UMPS: variants seen among roughly 807,000 people sequenced by gnomAD.
The protein encoded by UMPS is uridine 5'-monophosphate synthase.
UMPS carries 21 observed loss-of-function variants against 38.9 expected under a neutral mutation model. That is an observed-to-expected ratio of 0.54 (90% CI 0.38 to 0.78). The LOEUF (loss-of-function observed/expected upper bound fraction) is 0.78. UMPS is among the 30% of genes least tolerant of loss of function. The pLI is 0.00. For synonymous variants in UMPS, 208 were observed against 219.3 expected, an observed-to-expected ratio of 0.95 and a Z score of 0.45; for missense variants, 533 against 591.6, an observed-to-expected ratio of 0.90 and a Z score of 1.03.
At position 124,744,277 on chromosome 3, in the gene UMPS, T is replaced by C. The variant is rs2063579849; in HGVS notation, c.*193T>C. 1.4e-6 allele frequency: 1 copy of C among 720,160 alleles called. No homozygotes were observed. Among genetic ancestry groups the C allele is most frequent in the East Asian group, 3.0e-5 (1 of 33,876 alleles). 44.6% of individuals were successfully genotyped at this position (720,160 alleles called of 1,614,324 possible). On this transcript the variant is annotated 3_prime_UTR_variant, in exon 6 of 6. Transcript: ENST00000232607. Reference sequence around the variant, plus strand: ...ATTTGTAATCACCGCATTGATACTATAATAAGTTCATTCTTAAGCTTGCTT... The same window carrying C: ...ATTTGTAATCACCGCATTGATACTACAATAAGTTCATTCTTAAGCTTGCTT...
Position 124,744,216 on chromosome 3 carries a change from T to C in UMPS, c.*132T>C. The stretch of plus-strand genomic sequence containing the variant: ...CCACAGGGCCTGTGTAAGAATGGGT[T>C]CTGGAGTTCTCATGGTCTTTAGGAA... On this transcript the variant is annotated 3_prime_UTR_variant, in exon 6 of 6. Transcript: ENST00000232607. The C allele has an allele frequency of 9.7e-7, 1 of 1,031,336 alleles. No individual in the cohort carries two copies. Among genetic ancestry groups the C allele is most frequent in the East Asian group, 2.6e-5 (1 of 38,574 alleles). 63.9% of individuals were successfully genotyped at this position (1,031,336 alleles called of 1,614,324 possible). A position where few individuals can be genotyped will look rare whatever the true frequency, so the allele number is the denominator to read the frequency against.
chr3:124,741,135 A>G (rs1192949810), intron 4 of UMPS, among the ~76,000 whole-genome samples: 4 of 152,310 alleles, frequency 2.6e-5, no homozygotes, highest in South Asian at 4.1e-4. Context: ...TGAATTGACT[A>G]TAACTGTCTG....
chr3:124,747,461 G>A lies in UMPS; in HGVS notation c.*3377G>A, dbSNP rs761747729. 55 of 454,028 alleles carry A rather than the reference G, an allele frequency of 1.2e-4. 2 individuals carry two copies. Among genetic ancestry groups the A allele is most frequent in the South Asian group, 7.6e-4 (49 of 64,508 alleles). The allele number at this position is 454,028 out of a possible 1,614,324, so 28.1% of individuals were successfully genotyped here. A position where few individuals can be genotyped will look rare whatever the true frequency, so the allele number is the denominator to read the frequency against. On this transcript the variant is annotated 3_prime_UTR_variant, in exon 6 of 6. Transcript: ENST00000232607. ...GTTCCGAGCCTGAACCCAAACTCTCGTGTTTCTGCTCACCCCTCTCTGGCT... is the reference window on the plus strand; with the variant it reads ...GTTCCGAGCCTGAACCCAAACTCTCATGTTTCTGCTCACCCCTCTCTGGCT...
chr3:124,740,567 T>A (rs1011657678), intron 4 of UMPS, among the ~76,000 whole-genome samples: 6 of 152,218 alleles, frequency 3.9e-5, no homozygotes, highest in African/African-American at 1.4e-4. Context: ...ATCTCCCAAG[T>A]CCTACAGAGA....
rs769561118 is a variant in UMPS at position 124,730,516 on chromosome 3, G to T, written c.45G>T (p.Leu15=). Residue 15 remains leucine, a synonymous_variant, in exon 1 of 6, where the codon CTG becomes CTT. Transcript: ENST00000232607. The stretch of plus-strand genomic sequence containing the variant: ...CTTTGGGGCCATTGGTGACGGGTCT[G>T]TACGACGTGCAGGCTTTCAAGTTTG... ...RAALGPLVTG[L]YDVQAFKFGD... The T allele has an allele frequency of 1.9e-6, 3 of 1,614,096 alleles. No homozygotes were observed. In the East Asian group the frequency reaches 6.7e-5, roughly 36 times the overall value.
chr3:124,742,382 A>G, intron 5 of UMPS, 116 bp downstream of exon 5: 2 of 784,072 alleles, frequency 2.6e-6, no homozygotes, highest in South Asian at 2.9e-5. Context: ...TTAGTCTAGA[A>G]CAATAATGAA....
Position 124,749,056 on chromosome 3 carries a change from C to T in UMPS, c.*4972C>T, listed in dbSNP as rs781328860. 6 of 453,944 alleles carry T rather than the reference C, an allele frequency of 1.3e-5. No individual in the cohort carries two copies. The highest frequency in any genetic ancestry group is 2.6e-5 in the Non-Finnish European group (6 of 226,772). The allele number at this position is 453,944 out of a possible 1,614,324, so 28.1% of individuals were successfully genotyped here. ...CAATGTCCCAACACTGCATTGTCTCCCTGCACTTAGCAGCCCTGCAGGGTG... is the reference window on the plus strand; with the variant it reads ...CAATGTCCCAACACTGCATTGTCTCTCTGCACTTAGCAGCCCTGCAGGGTG... On this transcript the variant is annotated 3_prime_UTR_variant, in exon 6 of 6. Transcript: ENST00000232607.
rs551304797 is a variant in UMPS at position 124,737,775 on chromosome 3, T to C, written c.518T>C (p.Val173Ala). ...LQAHGIRLHS[V>A]CTLSKMLEIL... is the part of the protein sequence containing the mutation. ...GCGCACGGGATCCGCCTCCACTCAG[T>C]GTGTACATTGTCCAAAATGCTGGAG... The change falls in exon 3 of 6, where the codon GTG (valine) becomes GCG (alanine). Residue 173 changes from valine (V) to alanine (A), a missense_variant. By Grantham distance (64) the Val-to-Ala change is moderately conservative. Transcript: ENST00000232607. The C allele has an allele frequency of 1.2e-6, 2 of 1,614,154 alleles. No individual in the cohort carries two copies. The highest frequency in any genetic ancestry group is 1.3e-5 in the African/African-American group (1 of 75,020).
intron 2 of UMPS, among the ~76,000 whole-genome samples, chr3:124,735,862 A>G (rs1271549653): frequency 6.6e-6 from 1 of 152,240 alleles, no homozygotes; most frequent in African/African-American, 2.4e-5. Context: ...CTGTAGTCCC[A>G]GCTACTGGAG....
At chr3:124,740,717 G>T (rs1360370347) in intron 4 of UMPS, among the ~76,000 whole-genome samples, 3 of 152,148 alleles carry the variant, frequency 2.0e-5, no homozygotes, top group Non-Finnish European at 4.4e-5. Flanking sequence ...TAGCACTTTG[G>T]GAGGCCAAGG....
chr3:124,742,864 C>T lies in UMPS; in HGVS notation c.1273+598C>T, dbSNP rs77539959. Reference sequence around the variant, plus strand: ...GCTAAAATTTTCTTCAATTGTGAGGCCAATCTTTATTGTATTTTTTTGATA... The same window carrying T: ...GCTAAAATTTTCTTCAATTGTGAGGTCAATCTTTATTGTATTTTTTTGATA... On this transcript the variant is annotated intron_variant, in intron 5 of 5. Transcript: ENST00000232607. 4.7e-3 allele frequency among the ~76,000 whole-genome samples: 711 copies of T among 152,150 alleles called. 4 individuals are homozygous for T. The highest frequency in any genetic ancestry group is 0.015 in the South Asian group (71 of 4,806).
Position 124,744,575 on chromosome 3 carries a change from A to C in UMPS, c.*491A>C, listed in dbSNP as rs778993224. The C allele has an allele frequency of 4.4e-6, 2 of 453,734 alleles. No individual in the cohort carries two copies. Among genetic ancestry groups the C allele is most frequent in the East Asian group, 7.0e-5 (1 of 14,374 alleles). The allele number at this position is 453,734 out of a possible 1,614,324, so 28.1% of individuals were successfully genotyped here. On this transcript the variant is annotated 3_prime_UTR_variant, in exon 6 of 6. Transcript: ENST00000232607. ...AGGCATGCACCACCACGTCCATCTA[A>C]ATTTCTTTATTATTTGTAGAGATGA...
At position 124,737,978 on chromosome 3, in the gene UMPS, T is replaced by C; in HGVS notation, c.721T>C (p.Ser241Pro). The C allele has an allele frequency of 6.2e-7, 1 of 1,614,170 alleles. No homozygotes were observed. Among genetic ancestry groups the C allele is most frequent in the Non-Finnish European group, 8.5e-7 (1 of 1,180,012 alleles). Residue 241 changes from serine (S) to proline (P), a missense_variant, in exon 3 of 6, where the codon TCG becomes CCG. Coordinates refer to ENST00000232607, the MANE Select transcript of UMPS (RefSeq NM_000373.4). ...AELPRIHPVA[S>P]KLLRLMQKKE... ...GCTGCCCAGGATCCACCCAGTTGCA[T>C]CGAAGCTTCTCAGGCTTATGCAAAA...
intron 4 of UMPS, 25 bp from the exon 5 acceptor site, chr3:124,742,122 TTATAA>T: frequency 4.0e-6 from 6 of 1,496,200 alleles, no homozygotes; most frequent in Non-Finnish European, 5.6e-6. Flanking sequence ...AACTGTTTTC[TTATAA>T]TATGTCCTAT....
intron 1 of UMPS, among the ~76,000 whole-genome samples, chr3:124,731,015 G>A (rs1185517818): frequency 6.6e-6 from 1 of 152,118 alleles, no homozygotes; most frequent in Non-Finnish European, 1.5e-5. Flanking sequence ...GATCACCTGA[G>A]CCCCAGGAGT....
At chr3:124,743,474 A>G (rs1302646063) in intron 5 of UMPS, among the ~76,000 whole-genome samples, 1 of 149,862 alleles carries the variant, frequency 6.7e-6, no homozygotes, top group African/African-American at 2.5e-5. Context: ...CATCTCTACT[A>G]AAAAATACAA....
At chr3:124,732,099 G>A (rs887108451) in intron 1 of UMPS, among the ~76,000 whole-genome samples, 5 of 152,034 alleles carry the variant, frequency 3.3e-5, no homozygotes, top group African/African-American at 7.3e-5. Context: ...TGCCACCCCC[G>A]GGCTACCTCC....
At chr3:124,731,469 A>G (rs749032805) in intron 1 of UMPS, 3 of 430,016 alleles carry the variant, frequency 7.0e-6, no homozygotes, top group East Asian at 7.3e-5. Context: ...TAGCTAATCA[A>G]TCGCTTGTGT....
At chr3:124,743,337 AAAAT>A (rs369579956) in intron 5 of UMPS, among the ~76,000 whole-genome samples, 10,345 of 144,686 alleles carry the variant, frequency 0.071, 849 homozygotes, top group African/African-American at 0.21. Context: ...CTGTCTCAAA[AAAAT>A]AAATAAATAA....
Sources: gnomAD v4.1 joint callset for allele counts (sites outside exome capture counted in the v4.1 genomes callset) on GRCh38, gnomAD v4.1.1 for gene constraint, MANE v1.5 for transcripts, NCBI Gene and HGNC (gene_info 2026-07-23, HGNC 2026-07-21) for gene names.